The following TMEM132D variants were observed in gnomAD, a reference collection of about 807,000 sequenced individuals.
TMEM132D encodes transmembrane protein 132D.
TMEM132D carries 21 observed loss-of-function variants against 62.3 expected under a neutral mutation model. That is an observed-to-expected ratio of 0.34 (90% CI 0.24 to 0.49). TMEM132D has a LOEUF of 0.49. Among genes scored for constraint, TMEM132D ranks in the 20% least tolerant of loss-of-function variants. The probability of loss-of-function intolerance (pLI) is 0.99; values close to 1 mark genes in which losing one functional copy is unlikely to be tolerated. For synonymous variants in TMEM132D, 621 were observed against 575.6 expected (o/e 1.08, Z -1.13); for missense variants, 1,346 against 1,402.8 (o/e 0.96, Z 0.65).
At chr12:129,445,088 C>T (rs1430744924) in intron 3 of TMEM132D, among the ~76,000 whole-genome samples, 1 of 152,152 alleles carries the variant, frequency 6.6e-6, no homozygotes, top group African/African-American at 2.4e-5. Context: ...CCTAAATATC[C>T]ATCAATGAAA....
intron 2 of TMEM132D, among the ~76,000 whole-genome samples, chr12:129,647,385 T>G (rs2137180238): frequency 6.6e-6 from 1 of 152,176 alleles, no homozygotes; most frequent in African/African-American, 2.4e-5. Flanking sequence ...TTAGGTTGTT[T>G]CCAAGCCTTC....
chr12:129,666,062 G>A (rs191227220), intron 2 of TMEM132D, among the ~76,000 whole-genome samples: 6 of 152,212 alleles, frequency 3.9e-5, no homozygotes, highest in Non-Finnish European at 7.4e-5. Flanking sequence ...ATGCACAGTC[G>A]GTAAAAGCAC....
intron 1 of TMEM132D, among the ~76,000 whole-genome samples, chr12:129,727,320 G>A (rs951825063): frequency 3.9e-5 from 6 of 152,154 alleles, no homozygotes; most frequent in Non-Finnish European, 7.3e-5. Context: ...ATGGTGGAAG[G>A]GCAAGAGAGC....
At chr12:129,812,563 A>G (rs1872218870) in intron 1 of TMEM132D, among the ~76,000 whole-genome samples, 1 of 151,740 alleles carries the variant, frequency 6.6e-6, no homozygotes, top group South Asian at 2.1e-4. Flanking sequence ...CTCTGTCTCC[A>G]CCACATCATT....
rs929092821 is a variant in TMEM132D at position 129,833,554 on chromosome 12, G to C, written c.79+69707C>G. On this transcript the variant is annotated intron_variant, in intron 1 of 8. Coordinates refer to ENST00000422113, the MANE Select transcript of TMEM132D (RefSeq NM_133448.3). Reference sequence around the variant, plus strand: ...GTGGGAGGATCGCTTGAGCCCAGGAGTTCGAGGCTGCTGTGAGCTGTGATC... The same window carrying C: ...GTGGGAGGATCGCTTGAGCCCAGGACTTCGAGGCTGCTGTGAGCTGTGATC... Among the ~76,000 whole-genome samples, 3 of 152,198 alleles carry C rather than the reference G, an allele frequency of 2.0e-5. No individual in the cohort carries two copies. The South Asian group carries it at 6.2e-4, about 31-fold the overall frequency.
chr12:129,266,968 G>T (rs1880714226), intron 4 of TMEM132D, among the ~76,000 whole-genome samples: 1 of 152,012 alleles, frequency 6.6e-6, no homozygotes, highest in African/African-American at 2.4e-5. Context: ...CCTTTAGATG[G>T]TTACCACTCC....
intron 1 of TMEM132D, among the ~76,000 whole-genome samples, chr12:129,846,933 C>A (rs187810923): frequency 6.6e-6 from 1 of 152,300 alleles, no homozygotes; most frequent in Non-Finnish European, 1.5e-5. Context: ...TGCCCCCTCT[C>A]CCTTGGCCTT....
rs551626838 is a variant in TMEM132D, at chr12:129,577,733, T to C, written c.969-46528A>G. On this transcript the variant is annotated intron_variant, in intron 2 of 8. Transcript: ENST00000422113. The stretch of plus-strand genomic sequence containing the variant: ...TCAAATGTTCAAAAAATTTCCACTA[T>C]GTTTATTTTTAAAAATCTGCATGAG... 3.9e-5 allele frequency among the ~76,000 whole-genome samples: 6 copies of C among 152,316 alleles called. No homozygotes were observed. The South Asian group carries it at 1.2e-3, about 32-fold the overall frequency.
At chr12:129,543,933 C>T (rs1165831696) in intron 2 of TMEM132D, among the ~76,000 whole-genome samples, 1 of 152,138 alleles carries the variant, frequency 6.6e-6, no homozygotes, top group East Asian at 1.9e-4. Flanking sequence ...GATACCATAG[C>T]AAGTGCTTCA....
chr12:129,637,745 C>T (rs149773), intron 2 of TMEM132D, among the ~76,000 whole-genome samples: 2,417 of 152,184 alleles, frequency 0.016, 72 homozygotes, highest in South Asian at 0.13. Flanking sequence ...GGGGAAGCCT[C>T]AGGAAACTTA....
At chr12:129,130,252 C>G (rs1876335381) in intron 5 of TMEM132D, among the ~76,000 whole-genome samples, 1 of 152,032 alleles carries the variant, frequency 6.6e-6, no homozygotes, top group Non-Finnish European at 1.5e-5. Flanking sequence ...CCACCCCACC[C>G]AAGGTCCCAT....
intron 2 of TMEM132D, among the ~76,000 whole-genome samples, chr12:129,613,331 C>T (rs563944738): frequency 5.5e-4 from 83 of 152,282 alleles, no homozygotes; most frequent in African/African-American, 2.0e-3. Context: ...ACAAAGGTCT[C>T]ATGTAAGTTG....
At position 129,779,231 on chromosome 12, in the gene TMEM132D, C is replaced by CA. The variant is rs1871042354; in HGVS notation, c.80-78534dup. Among the ~76,000 whole-genome samples the CA allele has an allele frequency of 1.3e-5, 2 of 152,232 alleles. No homozygotes were observed. The highest frequency in any genetic ancestry group is 2.9e-5 in the Non-Finnish European group (2 of 68,050). ...TTTAACATGCAGAGTAGAACGGCTA[C>CA]ACCCAGCTACAAGCAGTACCAGGAA... On this transcript the variant is annotated intron_variant, in intron 1 of 8. Coordinates refer to ENST00000422113, the MANE Select transcript of TMEM132D (RefSeq NM_133448.3). This position sits in a 1 kb window ranked among gnomAD's most constrained non-coding sequence, Gnocchi z 4.1.
intron 1 of TMEM132D, among the ~76,000 whole-genome samples, chr12:129,773,552 G>A (rs1378822094): frequency 6.6e-6 from 1 of 152,164 alleles, no homozygotes. Context: ...AAAACCCAGA[G>A]GGAGAGACAA....
At chr12:129,475,087 T>A (rs1456312547) in intron 3 of TMEM132D, among the ~76,000 whole-genome samples, 1 of 152,128 alleles carries the variant, frequency 6.6e-6, no homozygotes, top group Non-Finnish European at 1.5e-5. Flanking sequence ...ACAAAAACTC[T>A]ATGTATTACT....
chr12:129,843,117 C>T (rs1873249741), intron 1 of TMEM132D, among the ~76,000 whole-genome samples: 1 of 152,022 alleles, frequency 6.6e-6, no homozygotes, highest in African/African-American at 2.4e-5. Context: ...AATAGTACTG[C>T]CTGTAAGATG....
chr12:129,627,994 C>T (rs999708991), intron 2 of TMEM132D, among the ~76,000 whole-genome samples: 9 of 152,120 alleles, frequency 5.9e-5, no homozygotes, highest in African/African-American at 1.9e-4. Flanking sequence ...CTCCAAAAAA[C>T]AGTAATTTAT....
chr12:129,530,796 T>C (rs1876194697), intron 3 of TMEM132D, among the ~76,000 whole-genome samples: 1 of 152,134 alleles, frequency 6.6e-6, no homozygotes, highest in African/African-American at 2.4e-5. Flanking sequence ...ACATGGTTTG[T>C]GGGTCAATTC....
chr12:129,319,475 G>A (rs961877192), intron 4 of TMEM132D, among the ~76,000 whole-genome samples: 6 of 152,202 alleles, frequency 3.9e-5, no homozygotes, highest in Admixed American at 2.0e-4. Context: ...TCCTGCAGGA[G>A]CAGTCCGCTT....
Sources: gnomAD v4.1 joint callset for allele counts (sites outside exome capture counted in the v4.1 genomes callset) on GRCh38, gnomAD v4.1.1 for gene constraint, Gnocchi (gnomAD v3.1) non-coding constraint, MANE v1.5 for transcripts, NCBI Gene and HGNC (gene_info 2026-07-23, HGNC 2026-07-21) for gene names.